Variants in LY96 observed in about 807,000 individuals in gnomAD.
The protein encoded by LY96 is myeloid differentiation protein-2.
In LY96, 18 loss-of-function variants were observed where a neutral mutation model predicts 18.9. The observed-to-expected ratio is 0.95, with a 90% confidence interval of 0.66 to 1.41. The LOEUF (loss-of-function observed/expected upper bound fraction) is 1.41. LY96 is among the 40% of genes most tolerant of loss of function. The pLI is 0.00. For missense variants in LY96, 175 were observed against 182.4 expected (o/e 0.96, Z 0.23); for synonymous variants, 66 against 62.6 (o/e 1.06, Z -0.26).
intron 3 of LY96, among the ~76,000 whole-genome samples, chr8:74,026,198 A>G (rs747748582): frequency 1.3e-5 from 2 of 152,236 alleles, no homozygotes; most frequent in Admixed American, 1.3e-4. Context: ...TTCAAAACAT[A>G]CATTTCTATC....
the LY96 span, among the ~76,000 whole-genome samples, chr8:74,042,668 A>G: frequency 6.6e-6 from 1 of 152,216 alleles, no homozygotes; most frequent in Non-Finnish European, 1.5e-5. Context: ...TCTTAATTTC[A>G]GACAAACCAA....
In LY96 at chr8:73,997,902, A is replaced by G. The variant is rs77237481; in HGVS notation, c.112+6348A>G. Among the ~76,000 whole-genome samples, 248 of 152,346 alleles carry G rather than the reference A, an allele frequency of 1.6e-3. 5 individuals are homozygous for G. In the East Asian group the frequency reaches 0.033, roughly 20 times the overall value. On this transcript the variant is annotated intron_variant, in intron 1 of 4. Transcript: ENST00000284818. ...TGTCCATGTCCTCTCTGGGTGCACCATCCTCCTAGCATCTCCATGTGTTCA... is the reference window on the plus strand; with the variant it reads ...TGTCCATGTCCTCTCTGGGTGCACCGTCCTCCTAGCATCTCCATGTGTTCA...
intron 2 of LY96, 63 bp downstream of exon 2, chr8:74,004,948 G>T: frequency 2.0e-6 from 3 of 1,510,978 alleles, no homozygotes; most frequent in Middle Eastern, 3.5e-4. Flanking sequence ...AGTGATAAAT[G>T]ATTGTGTTTC....
At chr8:74,046,565 C>T in the LY96 span, among the ~76,000 whole-genome samples, 1 of 151,910 alleles carries the variant, frequency 6.6e-6, no homozygotes, top group Non-Finnish European at 1.5e-5. Flanking sequence ...TATAAATATG[C>T]CCACCCCCCA....
chr8:74,070,243 A>C, the LY96 span, among the ~76,000 whole-genome samples: 15 of 151,956 alleles, frequency 9.9e-5, no homozygotes, highest in Admixed American at 1.3e-4. Context: ...AGGCGCCTGC[A>C]ACCACGCCCG....
chr8:74,018,727 C>T lies in LY96; in HGVS notation c.332-8062C>T, dbSNP rs561564122. 7.9e-5 allele frequency among the ~76,000 whole-genome samples: 12 copies of T among 152,340 alleles called. No homozygotes were observed. In the South Asian group the frequency reaches 8.3e-4, roughly 11 times the overall value. On this transcript the variant is annotated intron_variant, in intron 3 of 4. Transcript: ENST00000284818. The stretch of plus-strand genomic sequence containing the variant: ...ACAGAAATCACAACAAACTGTCTTT[C>T]AGACCACAATGCAATCAAATTAGAA...
the LY96 span, among the ~76,000 whole-genome samples, chr8:74,084,667 A>T: frequency 6.6e-6 from 1 of 151,992 alleles, no homozygotes; most frequent in East Asian, 1.9e-4. Flanking sequence ...AGGCTGGAGT[A>T]CAGTGGCACA....
At chr8:74,060,406 C>T in the LY96 span, among the ~76,000 whole-genome samples, 5 of 152,220 alleles carry the variant, frequency 3.3e-5, no homozygotes, top group Non-Finnish European at 7.3e-5. Context: ...CACTACCTAT[C>T]GGAACCCTGA....
intron 3 of LY96, among the ~76,000 whole-genome samples, chr8:74,026,445 G>A (rs1475301769): frequency 1.3e-5 from 2 of 152,214 alleles, no homozygotes; most frequent in Non-Finnish European, 1.5e-5. Flanking sequence ...CCAGCTTAAT[G>A]TGCATCAATA....
At chr8:74,050,431 C>A in the LY96 span, among the ~76,000 whole-genome samples, 1 of 152,090 alleles carries the variant, frequency 6.6e-6, no homozygotes, top group African/African-American at 2.4e-5. Context: ...TCACCCATAA[C>A]ACATACCCAC....
chr8:74,087,307 C>T, the LY96 span, among the ~76,000 whole-genome samples: 2 of 152,200 alleles, frequency 1.3e-5, no homozygotes, highest in Non-Finnish European at 2.9e-5. Context: ...CCTGTGTCGA[C>T]ATCTTGGGAG....
chr8:74,044,737 C>A, the LY96 span, among the ~76,000 whole-genome samples: 4 of 152,128 alleles, frequency 2.6e-5, no homozygotes, highest in African/African-American at 9.7e-5. Context: ...TTTCTCTGAG[C>A]AAATTATCCC....
At chr8:74,038,073 T>A in the LY96 span, among the ~76,000 whole-genome samples, 1 of 152,330 alleles carries the variant, frequency 6.6e-6, no homozygotes, top group African/African-American at 2.4e-5. Flanking sequence ...AAAATTTTTT[T>A]AAATCAAAAT....
At chr8:74,015,615 C>T (rs138851579) in intron 3 of LY96, among the ~76,000 whole-genome samples, 1 of 152,296 alleles carries the variant, frequency 6.6e-6, no homozygotes, top group Non-Finnish European at 1.5e-5. Flanking sequence ...TAAATAAGGT[C>T]ATGTTCACAG....
chr8:74,088,697 T>C, the LY96 span, among the ~76,000 whole-genome samples: 2 of 152,176 alleles, frequency 1.3e-5, no homozygotes, highest in African/African-American at 4.8e-5. Context: ...GCGATTCTTG[T>C]GCCTCAGCCT....
At chr8:74,024,637 G>C (rs1359554912) in intron 3 of LY96, among the ~76,000 whole-genome samples, 1 of 151,958 alleles carries the variant, frequency 6.6e-6, no homozygotes, top group East Asian at 1.9e-4. Context: ...TAAGTGACTG[G>C]CCTAAAGTTA....
chr8:73,996,840 G>T (rs1371408752), intron 1 of LY96, among the ~76,000 whole-genome samples: 3 of 151,976 alleles, frequency 2.0e-5, no homozygotes, highest in Non-Finnish European at 4.4e-5. Context: ...TGCCTCCTGG[G>T]TTGAAGTGAT....
chr8:74,097,504 G>A, the LY96 span, among the ~76,000 whole-genome samples: 7 of 152,190 alleles, frequency 4.6e-5, no homozygotes, highest in African/African-American at 1.7e-4. Flanking sequence ...TTGAGGTCAG[G>A]AGTTACCAGC....
At chr8:74,020,041 C>G (rs546600913) in intron 3 of LY96, among the ~76,000 whole-genome samples, 46 of 152,254 alleles carry the variant, frequency 3.0e-4, no homozygotes, top group Admixed American at 5.9e-4. Flanking sequence ...ACCACTCCTA[C>G]TCAACATAGT....
Sources: allele counts gnomAD v4.1 joint callset (sites outside exome capture counted in the v4.1 genomes callset), GRCh38; gene constraint gnomAD v4.1.1; transcripts MANE v1.5; gene names NCBI Gene and HGNC (gene_info 2026-07-23, HGNC 2026-07-21).